Variants in UBE3D observed in about 807,000 individuals in gnomAD.
UBE3D encodes the protein E3 ubiquitin-protein ligase E3D.
UBE3D carries 48 observed loss-of-function variants against 49.6 expected under a neutral mutation model. The ratio of observed to expected loss-of-function variants is 0.97; its 90% CI spans 0.77 to 1.23. The LOEUF is 1.23. Among genes scored for constraint, UBE3D ranks in the 50% most tolerant of loss-of-function variants. The pLI is 0.00. For synonymous variants in UBE3D, 189 were observed against 174.2 expected (o/e 1.08, Z -0.67); for missense variants, 452 against 468.4 (o/e 0.96, Z 0.32).
At chr6:82,992,449 C>T (rs1216535170) in intron 8 of UBE3D, among the ~76,000 whole-genome samples, 1 of 152,102 alleles carries the variant, frequency 6.6e-6, no homozygotes, top group Non-Finnish European at 1.5e-5. Flanking sequence ...TCTCAAACTA[C>T]TGACCTCAGG....
At chr6:82,990,049 G>A (rs1316886287) in intron 8 of UBE3D, among the ~76,000 whole-genome samples, 1 of 152,170 alleles carries the variant, frequency 6.6e-6, no homozygotes, top group Non-Finnish European at 1.5e-5. Flanking sequence ...AAGCTAGTAT[G>A]TCCAAGGATT....
At chr6:82,920,336 T>A (rs1773234864) in intron 9 of UBE3D, among the ~76,000 whole-genome samples, 1 of 152,226 alleles carries the variant, frequency 6.6e-6, no homozygotes, top group Non-Finnish European at 1.5e-5. Context: ...CAAAAAGTAG[T>A]AAGAGACAAG....
chr6:82,978,408 C>T (rs1353477404), intron 8 of UBE3D, among the ~76,000 whole-genome samples: 1 of 152,130 alleles, frequency 6.6e-6, no homozygotes, highest in Non-Finnish European at 1.5e-5. Context: ...AATGTTTGTT[C>T]TTCCAGCTTA....
chr6:83,007,770 C>A (rs151222534), intron 8 of UBE3D, among the ~76,000 whole-genome samples: 283 of 152,004 alleles, frequency 1.9e-3, no homozygotes, highest in African/African-American at 6.6e-3. Flanking sequence ...CATGGCAAAA[C>A]CCCATCTCTA....
chr6:82,977,678 A>T (rs1049138690), intron 8 of UBE3D, among the ~76,000 whole-genome samples: 3 of 152,118 alleles, frequency 2.0e-5, no homozygotes, highest in African/African-American at 7.2e-5. Context: ...TATCTACTAA[A>T]AATACAAAAA....
intron 9 of UBE3D, among the ~76,000 whole-genome samples, chr6:82,927,672 T>C (rs1472600355): frequency 6.6e-6 from 1 of 152,058 alleles, no homozygotes; most frequent in Non-Finnish European, 1.5e-5. Context: ...TATCCATTGC[T>C]GGTATGTAGG....
At chr6:83,045,822 T>C (rs1582736075) in intron 3 of UBE3D, among the ~76,000 whole-genome samples, 1 of 152,188 alleles carries the variant, frequency 6.6e-6, no homozygotes, top group Non-Finnish European at 1.5e-5. Flanking sequence ...TATCCTTTTT[T>C]TCTGTTCCAA....
chr6:83,048,079 CAAAAAAAAAAAAAA>C (rs35344320), intron 3 of UBE3D, among the ~76,000 whole-genome samples: 2 of 48,086 alleles, frequency 4.2e-5, no homozygotes, highest in East Asian at 1.4e-3. Flanking sequence ...GACTCCAGCT[CAAAAAAAAAAAAAA>C]AAAAAAAAAA....
chr6:83,024,454 T>C (rs1379523440), intron 5 of UBE3D, among the ~76,000 whole-genome samples: 2 of 152,202 alleles, frequency 1.3e-5, no homozygotes, highest in East Asian at 1.9e-4. Context: ...GCAGTTCTAA[T>C]GGCTTCCACT....
chr6:82,957,876 G>C (rs1776275832), intron 8 of UBE3D, among the ~76,000 whole-genome samples: 1 of 152,122 alleles, frequency 6.6e-6, no homozygotes, highest in South Asian at 2.1e-4. Context: ...GTTTTTCTGA[G>C]CTGGATAGGC....
At chr6:83,046,788 T>C (rs1020347336) in intron 3 of UBE3D, among the ~76,000 whole-genome samples, 2 of 152,016 alleles carry the variant, frequency 1.3e-5, no homozygotes, top group East Asian at 3.9e-4. Flanking sequence ...ATCTGCATAT[T>C]ACTTTAGGGG....
chr6:82,883,150 A>G, the UBE3D span, among the ~76,000 whole-genome samples: 1 of 152,222 alleles, frequency 6.6e-6, no homozygotes, highest in East Asian at 1.9e-4. Flanking sequence ...TACATTTCCT[A>G]CAGGACAAAA....
intron 8 of UBE3D, among the ~76,000 whole-genome samples, chr6:83,009,836 T>TA (rs909691704): frequency 1.1e-4 from 16 of 149,940 alleles, no homozygotes; most frequent in Admixed American, 1.4e-4. Context: ...TTCATCACAT[T>TA]AAAAAATCAA....
intron 5 of UBE3D, among the ~76,000 whole-genome samples, chr6:83,035,311 T>C (rs1782171524): frequency 6.6e-6 from 1 of 152,218 alleles, no homozygotes; most frequent in African/African-American, 2.4e-5. Context: ...ATTGTACACC[T>C]TGTTACCCAA....
chr6:83,058,042 C>T lies in UBE3D; in HGVS notation c.78-20G>A, dbSNP rs529317738. 1.3e-5 allele frequency: 21 copies of T among 1,611,610 alleles called. No individual in the cohort carries two copies. In the Admixed American group the frequency reaches 3.2e-4, roughly 24 times the overall value. On this transcript the variant is annotated intron_variant, in intron 1 of 9. Coordinates refer to ENST00000369747, the MANE Select transcript of UBE3D (RefSeq NM_198920.3). ...GGTTCTCTGGTAATTAAAAACAAAA[C>T]CCAAACAAATTATTTCTCACAATGA...
chr6:82,977,325 C>T (rs745508501), intron 8 of UBE3D, among the ~76,000 whole-genome samples: 2 of 151,960 alleles, frequency 1.3e-5, no homozygotes, highest in East Asian at 1.9e-4. Context: ...TATTAATCAA[C>T]AATTATATTA....
intron 9 of UBE3D, among the ~76,000 whole-genome samples, chr6:82,942,438 G>A (rs959953542): frequency 3.3e-5 from 5 of 152,220 alleles, no homozygotes; most frequent in African/African-American, 7.2e-5. Context: ...GGAGCAGAAT[G>A]TTAATCACCA....
intron 9 of UBE3D, among the ~76,000 whole-genome samples, chr6:82,951,955 C>G (rs1335697426): frequency 6.6e-6 from 1 of 152,034 alleles, no homozygotes; most frequent in Non-Finnish European, 1.5e-5. Flanking sequence ...CAGTGTCTCC[C>G]CATTTGTATT....
chr6:82,893,136 A>G, intron 9 of UBE3D, 94 bp from the exon 10 acceptor site: 1 of 1,430,658 alleles, frequency 7.0e-7, no homozygotes, highest in Non-Finnish European at 9.8e-7. Flanking sequence ...AAGTCTGGTC[A>G]ATAAGATCAT....
Sources: gnomAD v4.1 joint callset for allele counts (sites outside exome capture counted in the v4.1 genomes callset) on GRCh38, gnomAD v4.1.1 for gene constraint, MANE v1.5 for transcripts, NCBI Gene and HGNC (gene_info 2026-07-23, HGNC 2026-07-21) for gene names.